ALG3: variants seen among roughly 807,000 people sequenced by gnomAD.
ALG3 encodes the protein ALG3 alpha-1,3- mannosyltransferase.
In ALG3, 39 loss-of-function variants were observed where a neutral mutation model predicts 50.5. That is an observed-to-expected ratio of 0.77 (90% confidence interval 0.60 to 1.01). The LOEUF (loss-of-function observed/expected upper bound fraction) is 1.01. ALG3 is among the 50% of genes least tolerant of loss of function. ALG3 has a pLI of 0.00. For missense variants in ALG3, 520 were observed against 554.8 expected, an observed-to-expected ratio of 0.94 and a Z score of 0.63; for synonymous variants, 252 against 237.2, an observed-to-expected ratio of 1.06 and a Z score of -0.58.
intron 1 of ALG3, 131 bp from the exon 2 acceptor site, chr3:184,245,943 C>T (rs945919709): frequency 4.4e-6 from 3 of 676,274 alleles, no homozygotes; most frequent in Non-Finnish European, 7.9e-6. Context: ...TAATCTAACT[C>T]TTTATCTGAC....
chr3:184,242,905 G>A lies in ALG3; in HGVS notation c.1062C>T (p.Arg354=). ...TSNFIGICFS[R]SLHYQFYVWY... ...AGACGTAGAACTGGTAGTGGAGGGA[G>A]CGGCTGAAGCAGATGCCAATGAAGT... Residue 354 remains arginine (R), a synonymous_variant, in exon 8 of 9, where the codon CGC becomes CGT. Transcript: ENST00000397676. 1 of 1,613,872 alleles carries A rather than the reference G, an allele frequency of 6.2e-7. No homozygotes were observed.
At position 184,245,225 on chromosome 3, in the gene ALG3, C is replaced by T. The variant is rs550144109; in HGVS notation, c.578G>A (p.Arg193His). 62 of 1,613,856 alleles carry T rather than the reference C, an allele frequency of 3.8e-5. No individual in the cohort carries two copies. In the East Asian group the frequency reaches 1.2e-3, roughly 31 times the overall value. ...GAAAAAGCAGCAACCCCAGCCCCAG[C>T]GCTGGGCCAGCAGGAGGTTGATACT... ...FLSINLLLAQ[R>H]WGWGCCFFSL... Residue 193 changes from arginine (R) to histidine (H), a missense_variant, in exon 4 of 9, where the codon CGC (arginine) becomes CAC (histidine). Arg to His is a conservative substitution (Grantham distance 29). Transcript: ENST00000397676.
At chr3:184,249,060 C>T (rs975209987), upstream of ALG3, 1 of 1,487,656 alleles carries the variant, frequency 6.7e-7, no homozygotes, top group East Asian at 2.5e-5. Flanking sequence ...AGTAGCCAGT[C>T]TTCATTTACT....
In ALG3 at chr3:184,247,003, C is replaced by T. The variant is rs556232728; in HGVS notation, c.197-1191G>A. Among the ~76,000 whole-genome samples the T allele has an allele frequency of 2.6e-5, 4 of 152,260 alleles. No homozygotes were observed. The South Asian group carries it at 6.2e-4, about 24-fold the overall frequency. ...CACTGCAACCACCATCTCCCCGGTT[C>T]GAGCCATTTTCCCATCTCAGCCTCC... is the stretch of plus-strand genomic sequence containing the variant. On this transcript the variant is annotated intron_variant, in intron 1 of 8. Coordinates refer to ENST00000397676, the MANE Select transcript of ALG3 (RefSeq NM_005787.6).
intron 1 of ALG3, among the ~76,000 whole-genome samples, chr3:184,247,290 C>T (rs1719208485): frequency 6.7e-6 from 1 of 149,732 alleles, no homozygotes; most frequent in Admixed American, 6.7e-5. Flanking sequence ...CCACCGTGCC[C>T]AGTCTAACTG....
intron 1 of ALG3, among the ~76,000 whole-genome samples, chr3:184,248,332 TCAAGTGGTCA>T (rs2080489035): frequency 6.6e-6 from 1 of 152,172 alleles, no homozygotes; most frequent in Non-Finnish European, 1.5e-5. Context: ...CCTAATGGAC[TCAAGTGGTCA>T]CAAGATGCCA....
chr3:184,244,897 G>A (rs1719045121), intron 4 of ALG3, 176 bp from the exon 5 acceptor site: 1 of 906,818 alleles, frequency 1.1e-6, no homozygotes, highest in Non-Finnish European at 1.7e-6. Context: ...GAGTAGGCAG[G>A]AGGCAGATAC....
chr3:184,249,134 G>T, upstream of ALG3: 2 of 1,520,700 alleles, frequency 1.3e-6, no homozygotes, highest in Non-Finnish European at 1.8e-6. Flanking sequence ...ATAGGAGCAG[G>T]GACAATGTCT....
In ALG3 at chr3:184,242,972, A is replaced by G; in HGVS notation, c.1010-15T>C. The G allele has an allele frequency of 6.2e-7, 1 of 1,612,416 alleles. No homozygotes were observed. Among genetic ancestry groups the G allele is most frequent in the South Asian group, 1.1e-5 (1 of 90,928 alleles). ...AGAAACGATCTGTATGCGGTGGTCA[A>G]GGCCAAGGGCAGGAGTGTGTGTGGG... On this transcript the variant is annotated splice_polypyrimidine_tract_variant and intron_variant, in intron 7 of 8. Coordinates refer to ENST00000397676, the MANE Select transcript of ALG3 (RefSeq NM_005787.6).
At chr3:184,246,132 AC>A (rs1719134118) in intron 1 of ALG3, among the ~76,000 whole-genome samples, 1 of 152,148 alleles carries the variant, frequency 6.6e-6, no homozygotes, top group East Asian at 1.9e-4. Flanking sequence ...CTCATTTGCA[AC>A]CCTTCGTCAA....
chr3:184,242,981 G>A (rs1718911818), intron 7 of ALG3, 24 bp from the exon 8 acceptor site: 7 of 1,611,496 alleles, frequency 4.3e-6, no homozygotes, highest in Non-Finnish European at 5.9e-6. Context: ...AAGGCCAAGG[G>A]CAGGAGTGTG....
At chr3:184,247,316 T>G (rs1461824387) in intron 1 of ALG3, among the ~76,000 whole-genome samples, 1 of 150,258 alleles carries the variant, frequency 6.7e-6, no homozygotes, top group Non-Finnish European at 1.5e-5. Context: ...TTTTTTTTTT[T>G]GACACGGAGC....
rs200928954 is a variant in ALG3, at chr3:184,243,743, T to C, written c.932+48A>G. Reference sequence around the variant, plus strand: ...CAAGCAGCCCCTAAGGCTTAGGCCCTTCACTCCTTCCCCCAACTCTGCCCA... The same window carrying C: ...CAAGCAGCCCCTAAGGCTTAGGCCCCTCACTCCTTCCCCCAACTCTGCCCA... On this transcript the variant is annotated intron_variant, in intron 6 of 8. Transcript: ENST00000397676. 1.0e-3 allele frequency: 1,608 copies of C among 1,595,056 alleles called. 14 individuals are homozygous for C. In the Middle Eastern group the frequency reaches 0.02, roughly 20 times the overall value.
In ALG3 at chr3:184,242,964, G is replaced by A. The variant is rs1326934909; in HGVS notation, c.1010-7C>T. ...AAGAGGGTAGAAACGATCTGTATGC[G>A]GTGGTCAAGGCCAAGGGCAGGAGTG... On this transcript the variant is annotated splice_polypyrimidine_tract_variant and splice_region_variant and intron_variant, in intron 7 of 8. Coordinates refer to ENST00000397676, the MANE Select transcript of ALG3 (RefSeq NM_005787.6). 14 of 1,612,642 alleles carry A rather than the reference G, an allele frequency of 8.7e-6. No homozygotes were observed. Among genetic ancestry groups the A allele is most frequent in the South Asian group, 5.5e-5 (5 of 90,966 alleles).
In ALG3 at chr3:184,242,975, C is replaced by A. The variant is rs1260870451; in HGVS notation, c.1010-18G>T. On this transcript the variant is annotated intron_variant, in intron 7 of 8. Coordinates refer to ENST00000397676, the MANE Select transcript of ALG3 (RefSeq NM_005787.6). ...AACGATCTGTATGCGGTGGTCAAGG[C>A]CAAGGGCAGGAGTGTGTGTGGGGGG... The A allele has an allele frequency of 6.2e-7, 1 of 1,612,098 alleles. No individual in the cohort carries two copies. The highest frequency in any genetic ancestry group is 1.7e-5 in the Admixed American group (1 of 59,852).
At chr3:184,243,672 G>T (rs1718960960) in intron 6 of ALG3, 42 bp from the exon 7 acceptor site, 1 of 1,610,572 alleles carries the variant, frequency 6.2e-7, no homozygotes, top group South Asian at 1.1e-5. Flanking sequence ...CCCCTTTTGT[G>T]AGTCAAACTC....
rs1367661513 is a variant in ALG3 at position 184,245,727 on chromosome 3, G to C, written c.282C>G (p.Asp94Glu). The C allele has an allele frequency of 6.2e-7, 1 of 1,613,408 alleles. No homozygotes were observed. The highest frequency in any genetic ancestry group is 1.7e-5 in the Admixed American group (1 of 60,012). Residue 94 changes from aspartate to glutamate, a missense_variant, in exon 2 of 9, where the codon GAC (aspartate) becomes GAG (glutamate). Physicochemically the swap from Asp to Glu is conservative, Grantham distance 45. Transcript: ENST00000397676. ...TCCCCACTCACACAAGTGGTCCGGT[G>C]TCACCCTGCAGTTGGGTATAGTCAT... ...GTYDYTQLQG[D>E]TGPLVYPAGF...
At chr3:184,243,301 T>C in intron 7 of ALG3, 1 of 577,770 alleles carries the variant, frequency 1.7e-6, no homozygotes, top group Non-Finnish European at 3.0e-6. Flanking sequence ...TTGTGAGCTT[T>C]CAATATTAGA....
chr3:184,243,521 G>T, intron 7 of ALG3, 33 bp downstream of exon 7: 1 of 1,607,360 alleles, frequency 6.2e-7, no homozygotes, highest in Non-Finnish European at 8.5e-7. Context: ...CCTAGAGAGG[G>T]CAAGACTTAC....
Sources: allele counts gnomAD v4.1 joint callset (sites outside exome capture counted in the v4.1 genomes callset), GRCh38; gene constraint gnomAD v4.1.1; transcripts MANE v1.5; gene names NCBI Gene and HGNC (gene_info 2026-07-23, HGNC 2026-07-21).